The following NCKAP5 variants were observed in gnomAD, a reference collection of about 807,000 sequenced individuals.
The protein encoded by NCKAP5 is NCK associated protein 5, also known as nck-associated protein 5.
In NCKAP5, 92 loss-of-function variants were observed where a neutral mutation model predicts 167.0. The observed-to-expected ratio is 0.55, with a 90% confidence interval of 0.47 to 0.66. The LOEUF (loss-of-function observed/expected upper bound fraction) is 0.66. NCKAP5 is among the 30% of genes least tolerant of loss of function. NCKAP5 has a pLI of 0.00. For synonymous variants in NCKAP5, 891 were observed against 877.4 expected (o/e 1.02, Z -0.27); for missense variants, 2,378 against 2,315.0 (o/e 1.03, Z -0.56).
chr2:133,431,288 T>A (rs1191949193), intron 3 of NCKAP5, among the ~76,000 whole-genome samples: 2 of 152,180 alleles, frequency 1.3e-5, no homozygotes, highest in Non-Finnish European at 2.9e-5. Flanking sequence ...ATACTCTCCA[T>A]GTTTTATATA....
intron 4 of NCKAP5, among the ~76,000 whole-genome samples, chr2:133,289,731 A>AT (rs1679434229): frequency 6.6e-6 from 1 of 152,040 alleles, no homozygotes; most frequent in Non-Finnish European, 1.5e-5. Flanking sequence ...ACAAACAAAA[A>AT]AAAACAGCAC....
Position 132,790,046 on chromosome 2 carries a change from C to G in NCKAP5, c.1069G>C (p.Asp357His), listed in dbSNP as rs781360293. 1 of 1,612,530 alleles carries G rather than the reference C, an allele frequency of 6.2e-7. No homozygotes were observed. The highest frequency in any genetic ancestry group is 1.1e-5 in the South Asian group (1 of 90,786). ...ACCCTTTTCCTGAGGTTCTTCCCAT[C>G]GTGCCACGTGTAGGAGGAGCCACTG... is the stretch of plus-strand genomic sequence containing the variant. ...YSSGSSYTWH[D>H]GKNLRKRQSS... The change falls in exon 13 of 20, where the codon GAT becomes CAT. Residue 357 changes from aspartate (D) to histidine (H), a missense_variant. By Grantham distance (81) the Asp-to-His change is moderately conservative. Coordinates refer to ENST00000409261, the MANE Select transcript of NCKAP5 (RefSeq NM_207363.3).
intron 16 of NCKAP5, among the ~76,000 whole-genome samples, chr2:132,751,314 T>G (rs1345553499): frequency 1.3e-5 from 2 of 152,126 alleles, no homozygotes; most frequent in Non-Finnish European, 2.9e-5. Context: ...TGCTTCCCTT[T>G]GCCTTCCAGC....
chr2:133,073,767 G>A (rs541556776), intron 6 of NCKAP5, among the ~76,000 whole-genome samples: 48 of 152,206 alleles, frequency 3.2e-4, no homozygotes, highest in African/African-American at 1.1e-3. Context: ...ATATTGGGTC[G>A]TTTTTGTCAT....
At chr2:133,366,226 G>T (rs145262552) in intron 3 of NCKAP5, among the ~76,000 whole-genome samples, 315 of 152,246 alleles carry the variant, frequency 2.1e-3, no homozygotes, top group Non-Finnish European at 4.1e-3. Context: ...TCAATAGTAA[G>T]TAAAGAAGAT....
chr2:133,478,704 G>C (rs1680165266), intron 3 of NCKAP5, among the ~76,000 whole-genome samples: 2 of 152,048 alleles, frequency 1.3e-5, no homozygotes, highest in African/African-American at 2.4e-5. Context: ...CCTTACCCTA[G>C]TCAACTGCGA....
At chr2:132,679,142 T>A (rs1333923255) in intron 19 of NCKAP5, among the ~76,000 whole-genome samples, 1 of 152,166 alleles carries the variant, frequency 6.6e-6, no homozygotes, top group African/African-American at 2.4e-5. Context: ...AAGGTTTCCA[T>A]CTGTAAAGAA....
chr2:133,002,052 G>A (rs1466940265), intron 6 of NCKAP5, among the ~76,000 whole-genome samples: 1 of 152,128 alleles, frequency 6.6e-6, no homozygotes. Flanking sequence ...TAAGAAAGCT[G>A]AGCATCCCCA....
chr2:133,407,868 G>A (rs1232386374), intron 3 of NCKAP5, among the ~76,000 whole-genome samples: 1 of 152,166 alleles, frequency 6.6e-6, no homozygotes, highest in Non-Finnish European at 1.5e-5. Flanking sequence ...TAGGAAGGAG[G>A]TCGATAAAGG....
chr2:132,800,805 A>G (rs562875478), intron 11 of NCKAP5, among the ~76,000 whole-genome samples: 1 of 152,206 alleles, frequency 6.6e-6, no homozygotes, highest in African/African-American at 2.4e-5. Context: ...GTGTACTCTT[A>G]CTGAGTTGTT....
intron 5 of NCKAP5, among the ~76,000 whole-genome samples, chr2:133,130,837 GTTT>G (rs1263173387): frequency 8.1e-6 from 1 of 123,554 alleles, no homozygotes; most frequent in Admixed American, 7.4e-5. Flanking sequence ...TTGTTGTTTT[GTTT>G]TTGTTTTGTT....
At chr2:133,027,566 A>G (rs2078741169) in intron 6 of NCKAP5, among the ~76,000 whole-genome samples, 3 of 152,194 alleles carry the variant, frequency 2.0e-5, no homozygotes, top group Admixed American at 2.0e-4. Flanking sequence ...TCCAGCATCC[A>G]TTATCCAAAC....
intron 7 of NCKAP5, 150 bp downstream of exon 7, chr2:132,994,002 T>C: frequency 1.9e-6 from 1 of 537,858 alleles, no homozygotes; most frequent in Non-Finnish European, 3.3e-6. Context: ...ACGTGTATGA[T>C]TCCTCAAAAC....
intron 3 of NCKAP5, among the ~76,000 whole-genome samples, chr2:133,330,140 C>CA: frequency 7.4e-6 from 1 of 134,412 alleles, no homozygotes; most frequent in Non-Finnish European, 1.5e-5. Flanking sequence ...AATCATGGCT[C>CA]AATGCAGCCT....
intron 6 of NCKAP5, among the ~76,000 whole-genome samples, chr2:133,031,415 A>G (rs1425497508): frequency 6.6e-6 from 1 of 152,198 alleles, no homozygotes; most frequent in African/African-American, 2.4e-5. Context: ...AACCAGCCTC[A>G]GCCAGAGGGG....
chr2:132,953,032 G>T (rs1262158093), intron 8 of NCKAP5, among the ~76,000 whole-genome samples: 2 of 152,196 alleles, frequency 1.3e-5, no homozygotes, highest in Admixed American at 1.3e-4. Flanking sequence ...CATAGATGTT[G>T]TTAGCTCTTC....
intron 2 of NCKAP5, among the ~76,000 whole-genome samples, chr2:133,525,085 A>C (rs765663020): frequency 1.1e-4 from 16 of 152,226 alleles, no homozygotes; most frequent in Admixed American, 2.0e-4. Flanking sequence ...CAAATGATGT[A>C]ATTTTCAACC....
chr2:132,885,119 T>C (rs1558899701), intron 8 of NCKAP5, among the ~76,000 whole-genome samples: 1 of 152,094 alleles, frequency 6.6e-6, no homozygotes, highest in Admixed American at 6.6e-5. Flanking sequence ...GTTAAAATAA[T>C]CTTGAACTGA....
intron 3 of NCKAP5, among the ~76,000 whole-genome samples, chr2:133,370,700 G>A (rs533153351): frequency 8.2e-5 from 12 of 145,992 alleles, no homozygotes; most frequent in East Asian, 3.9e-4. Context: ...TTTGGCTAAC[G>A]TATTTTTTTT....
Sources: allele counts gnomAD v4.1 joint callset (sites outside exome capture counted in the v4.1 genomes callset), GRCh38; gene constraint gnomAD v4.1.1; transcripts MANE v1.5; gene names NCBI Gene and HGNC (gene_info 2026-07-23, HGNC 2026-07-21).